UNC13C: variants seen among roughly 807,000 people sequenced by gnomAD.
UNC13C encodes unc-13 homolog C.
A neutral mutation model predicts 245.4 loss-of-function variants in UNC13C; 174 were observed. That is an observed-to-expected ratio of 0.71 (90% CI 0.63 to 0.80). The LOEUF (loss-of-function observed/expected upper bound fraction) is 0.80. Ranked by LOEUF, UNC13C falls within the 30% of genes least tolerant of loss-of-function variation. The pLI is 0.00. For synonymous variants in UNC13C, 992 were observed against 895.1 expected (o/e 1.11, Z -1.93); for missense variants, 2,829 against 2,602.9 (o/e 1.09, Z -1.89).
the UNC13C span, among the ~76,000 whole-genome samples, chr15:53,935,208 C>A: frequency 6.6e-6 from 1 of 151,966 alleles, no homozygotes; most frequent in East Asian, 1.9e-4. Flanking sequence ...AAGGGGCCAC[C>A]CATTATGAGT....
chr15:54,203,859 C>T (rs898980299), intron 4 of UNC13C, among the ~76,000 whole-genome samples: 40 of 89,886 alleles, frequency 4.5e-4, no homozygotes, highest in African/African-American at 1.4e-3. Flanking sequence ...CGTATATATA[C>T]ATATATACAC....
chr15:53,925,817 T>G, the UNC13C span, among the ~76,000 whole-genome samples: 1 of 152,194 alleles, frequency 6.6e-6, no homozygotes. Flanking sequence ...AGATCTTCCT[T>G]GTTCGGATCT....
At chr15:53,871,413 TCTCATC>T in the UNC13C span, among the ~76,000 whole-genome samples, 1 of 152,196 alleles carries the variant, frequency 6.6e-6, no homozygotes, top group East Asian at 1.9e-4. Flanking sequence ...GGAAGCACTT[TCTCATC>T]CTCCCAGTCT....
chr15:54,204,155 G>A (rs992795318), intron 4 of UNC13C, among the ~76,000 whole-genome samples: 2 of 151,614 alleles, frequency 1.3e-5, no homozygotes, highest in African/African-American at 2.4e-5. Context: ...AAGGTTGGGG[G>A]TGTCAAGGGA....
chr15:54,288,022 A>G (rs949453629), intron 10 of UNC13C, among the ~76,000 whole-genome samples: 1 of 152,176 alleles, frequency 6.6e-6, no homozygotes, highest in Admixed American at 6.6e-5. Context: ...TGGGACACAA[A>G]TTAAACACTA....
chr15:54,022,123 C>T (rs1258456084), intron 2 of UNC13C, among the ~76,000 whole-genome samples: 1 of 152,146 alleles, frequency 6.6e-6, no homozygotes, highest in Non-Finnish European at 1.5e-5. Flanking sequence ...ATCATATTTT[C>T]TAGTAATTAT....
the UNC13C span, among the ~76,000 whole-genome samples, chr15:53,964,622 T>C: frequency 1.3e-5 from 2 of 152,174 alleles, no homozygotes; most frequent in Non-Finnish European, 2.9e-5. Flanking sequence ...TATTCTTCTG[T>C]GGTATTTAAA....
chr15:54,044,415 A>G (rs554874005), intron 2 of UNC13C: 2 of 333,366 alleles, frequency 6.0e-6, no homozygotes, highest in South Asian at 2.3e-5. Context: ...ATGATAACAT[A>G]TATTTAAAGT....
At chr15:54,534,436 C>T (rs1279629094) in intron 26 of UNC13C, among the ~76,000 whole-genome samples, 1 of 152,110 alleles carries the variant, frequency 6.6e-6, no homozygotes, top group African/African-American at 2.4e-5. Context: ...AAACACTATT[C>T]GAACAACAGC....
intron 15 of UNC13C, among the ~76,000 whole-genome samples, chr15:54,332,682 A>C (rs914019483): frequency 2.0e-5 from 3 of 152,026 alleles, no homozygotes; most frequent in African/African-American, 7.2e-5. Context: ...ACACACATAT[A>C]ATTTTAGTTA....
At chr15:54,210,123 CT>C (rs1464405001) in intron 4 of UNC13C, among the ~76,000 whole-genome samples, 1 of 150,998 alleles carries the variant, frequency 6.6e-6, no homozygotes, top group African/African-American at 2.4e-5. Context: ...CATGAAGAAT[CT>C]CGTATGCTAC....
Position 54,012,719 on chromosome 15 carries a change from A to T in UNC13C, c.-185A>T, listed in dbSNP as rs1384147823. Among the ~76,000 whole-genome samples the T allele has an allele frequency of 3.9e-5, 6 of 152,220 alleles. No homozygotes were observed. The highest frequency in any genetic ancestry group is 1.3e-4 in the Admixed American group (2 of 15,272). ...TCCTCCAGGAAAGAATGTCTTTCAC[A>T]GATGGAGCTTTGCTTCTGGTTTGCA... On this transcript the variant is annotated 5_prime_UTR_variant, in exon 2 of 33. It introduces an in-frame stop codon into an upstream open reading frame of the 5' UTR. Coordinates refer to ENST00000260323, the MANE Select transcript of UNC13C (RefSeq NM_001080534.3).
chr15:54,291,296 C>A (rs1293660178), intron 10 of UNC13C, among the ~76,000 whole-genome samples: 2 of 151,860 alleles, frequency 1.3e-5, no homozygotes, highest in East Asian at 1.9e-4. Context: ...GTTAGCTGCT[C>A]CAGACACAAT....
chr15:53,904,196 C>G, the UNC13C span, among the ~76,000 whole-genome samples: 1 of 152,120 alleles, frequency 6.6e-6, no homozygotes, highest in Non-Finnish European at 1.5e-5. Context: ...ATGGTAGACT[C>G]TCTTGGTTCA....
At chr15:53,936,711 T>A in the UNC13C span, among the ~76,000 whole-genome samples, 4 of 152,164 alleles carry the variant, frequency 2.6e-5, no homozygotes, top group Non-Finnish European at 4.4e-5. Context: ...TCACTGGTGA[T>A]AGCTCCAGAT....
intron 10 of UNC13C, among the ~76,000 whole-genome samples, chr15:54,282,625 G>T (rs1352746876): frequency 6.6e-6 from 1 of 152,158 alleles, no homozygotes; most frequent in Non-Finnish European, 1.5e-5. Flanking sequence ...TTGGCCCCTT[G>T]CCTCATCATG....
At chr15:53,997,439 T>A (rs1894686372) in intron 1 of UNC13C, among the ~76,000 whole-genome samples, 1 of 152,162 alleles carries the variant, frequency 6.6e-6, no homozygotes, top group Admixed American at 6.5e-5. Context: ...CTGTTTTATA[T>A]TTAGTGCTTA....
chr15:53,846,127 C>T, the UNC13C span, among the ~76,000 whole-genome samples: 1 of 152,130 alleles, frequency 6.6e-6, no homozygotes, highest in Non-Finnish European at 1.5e-5. Flanking sequence ...TTAAGGTAGA[C>T]TGGGCTAAGC....
intron 4 of UNC13C, among the ~76,000 whole-genome samples, chr15:54,184,513 C>T (rs62009995): frequency 1.3e-5 from 2 of 151,954 alleles, no homozygotes; most frequent in African/African-American, 2.4e-5. Context: ...TGAGAACATG[C>T]AGTGTTTGGT....
Sources: gnomAD v4.1 joint callset for allele counts (sites outside exome capture counted in the v4.1 genomes callset) on GRCh38, gnomAD v4.1.1 for gene constraint, MANE v1.5 for transcripts, NCBI Gene and HGNC (gene_info 2026-07-23, HGNC 2026-07-21) for gene names.